The following GPD2 variants were observed in gnomAD, a reference collection of about 807,000 sequenced individuals.
GPD2 encodes the protein glycerol-3-phosphate dehydrogenase 2.
Under a neutral mutation model 82.4 loss-of-function variants are expected in GPD2, and 54 were observed. The ratio of observed to expected loss-of-function variants is 0.66; its 90% CI spans 0.53 to 0.82. GPD2 has a LOEUF of 0.82. Ranked by LOEUF, GPD2 falls within the 40% of genes least tolerant of loss-of-function variation. GPD2 has a pLI of 0.00. For synonymous variants in GPD2, 288 were observed against 306.1 expected (o/e 0.94, Z 0.62); for missense variants, 748 against 896.2 (o/e 0.83, Z 2.11).
chr2:156,584,596 G>A lies in GPD2; in HGVS notation c.*1678G>A, dbSNP rs971310238. On this transcript the variant is annotated 3_prime_UTR_variant, in exon 17 of 17. Coordinates refer to ENST00000438166, the MANE Select transcript of GPD2 (RefSeq NM_000408.5). ...TTTGTTTTTAAATGAGGTTTTAGAC[G>A]CTTGCCACTTCCTAAGGGAAATCCT... 12 of 152,404 alleles carry A rather than the reference G, an allele frequency of 7.9e-5. No homozygotes were observed. The highest frequency in any genetic ancestry group is 2.1e-4 in the South Asian group (1 of 4,834). The allele number at this position is 152,404 out of a possible 1,614,324, so 9.4% of individuals were successfully genotyped here.
chr2:156,424,378 G>A, the GPD2 span, among the ~76,000 whole-genome samples: 1 of 152,150 alleles, frequency 6.6e-6, no homozygotes, highest in Non-Finnish European at 1.5e-5. Flanking sequence ...ATAATGTTTA[G>A]TGTTCTAGGA....
At chr2:156,545,789 T>G (rs1178148934) in intron 6 of GPD2, among the ~76,000 whole-genome samples, 1 of 152,240 alleles carries the variant, frequency 6.6e-6, no homozygotes, top group African/African-American at 2.4e-5. Context: ...TTTTTCTTTT[T>G]TTGAGCTATT....
At chr2:156,510,709 A>T (rs1217428423) in intron 3 of GPD2, 87 bp from the exon 4 acceptor site, 37 of 1,082,076 alleles carry the variant, frequency 3.4e-5, no homozygotes, top group Non-Finnish European at 5.3e-5. Context: ...TTTTCTTGTG[A>T]TTGTCTCTAC....
intron 6 of GPD2, among the ~76,000 whole-genome samples, chr2:156,525,469 G>A (rs1685572492): frequency 6.6e-6 from 1 of 152,096 alleles, no homozygotes; most frequent in African/African-American, 2.4e-5. Context: ...TGCTATGAAG[G>A]TTCATTGCTA....
chr2:156,553,537 T>G, intron 8 of GPD2, among the ~76,000 whole-genome samples: 1 of 152,116 alleles, frequency 6.6e-6, no homozygotes, highest in East Asian at 1.9e-4. Context: ...GAAATTTCAA[T>G]CATCATAGAA....
chr2:156,503,312 C>A (rs1684659654), intron 3 of GPD2, among the ~76,000 whole-genome samples: 2 of 152,136 alleles, frequency 1.3e-5, no homozygotes, highest in South Asian at 4.1e-4. Flanking sequence ...ATTGCCTTTG[C>A]CCATTTTTAG....
the GPD2 span, among the ~76,000 whole-genome samples, chr2:156,421,409 T>TG: frequency 6.6e-6 from 1 of 152,214 alleles, no homozygotes; most frequent in African/African-American, 2.4e-5. Context: ...GTACTTTTCC[T>TG]GGGGGCAGAA....
chr2:156,557,874 T>C (rs1395377721), intron 9 of GPD2, among the ~76,000 whole-genome samples: 1 of 152,216 alleles, frequency 6.6e-6, no homozygotes, highest in Non-Finnish European at 1.5e-5. Context: ...CAGAAAACGA[T>C]GAAATGTGTA....
intron 6 of GPD2, 58 bp downstream of exon 6, chr2:156,513,554 G>C: frequency 7.7e-7 from 1 of 1,295,100 alleles, no homozygotes; most frequent in Non-Finnish European, 1.1e-6. Flanking sequence ...CTCATGACCC[G>C]TATAGTGTAT....
intron 3 of GPD2, among the ~76,000 whole-genome samples, chr2:156,500,783 T>G (rs1026154259): frequency 1.3e-5 from 2 of 152,228 alleles, no homozygotes; most frequent in African/African-American, 4.8e-5. Context: ...AACATTTATT[T>G]GCATTCTTAT....
chr2:156,567,110 A>G (rs185532992), intron 9 of GPD2, among the ~76,000 whole-genome samples: 190 of 152,178 alleles, frequency 1.2e-3, no homozygotes, highest in African/African-American at 4.2e-3. Context: ...TTCTGCATAT[A>G]TGATATATTC....
chr2:156,549,875 G>A (rs1364140189), intron 7 of GPD2, 103 bp downstream of exon 7: 28 of 858,816 alleles, frequency 3.3e-5, no homozygotes, highest in Non-Finnish European at 5.0e-5. Flanking sequence ...TTTATGCCAC[G>A]CTTCAGAGTC....
chr2:156,530,997 C>G (rs1048855460), intron 6 of GPD2, among the ~76,000 whole-genome samples: 8 of 152,012 alleles, frequency 5.3e-5, no homozygotes, highest in African/African-American at 1.9e-4. Context: ...TTGTTTAAGA[C>G]TCTATTTTCA....
intron 7 of GPD2, 66 bp downstream of exon 7, chr2:156,549,838 T>G: frequency 2.7e-6 from 3 of 1,130,800 alleles, no homozygotes; most frequent in Non-Finnish European, 4.0e-6. Context: ...ATGACTGAAT[T>G]ATAATTTTTC....
chr2:156,554,666 C>G (rs1029477932), intron 8 of GPD2, among the ~76,000 whole-genome samples: 1 of 152,094 alleles, frequency 6.6e-6, no homozygotes, highest in African/African-American at 2.4e-5. Flanking sequence ...TCTGGAATTT[C>G]CATGAGAGTT....
the GPD2 span, among the ~76,000 whole-genome samples, chr2:156,406,853 G>GT: frequency 2.6e-5 from 4 of 151,974 alleles, no homozygotes; most frequent in African/African-American, 7.3e-5. Context: ...TAAAATATAT[G>GT]TTTTTTTCAT....
chr2:156,501,769 G>T (rs1684592108), intron 3 of GPD2: 1 of 169,202 alleles, frequency 5.9e-6, no homozygotes, highest in Admixed American at 6.5e-5. Flanking sequence ...TTAATGTAGT[G>T]CTTTCCTTTG....
At chr2:156,417,641 A>G in the GPD2 span, among the ~76,000 whole-genome samples, 1 of 152,140 alleles carries the variant, frequency 6.6e-6, no homozygotes, top group East Asian at 1.9e-4. Context: ...AAATATATGT[A>G]ATATATTATT....
intron 2 of GPD2, among the ~76,000 whole-genome samples, chr2:156,476,856 T>A (rs1683531947): frequency 6.6e-6 from 1 of 152,230 alleles, no homozygotes; most frequent in African/African-American, 2.4e-5. Flanking sequence ...CTTGAAATGC[T>A]GGCAACCACC....
Sources: allele counts gnomAD v4.1 joint callset (sites outside exome capture counted in the v4.1 genomes callset), GRCh38; gene constraint gnomAD v4.1.1; transcripts MANE v1.5; gene names NCBI Gene and HGNC (gene_info 2026-07-23, HGNC 2026-07-21).